The following NAV2 variants were observed in gnomAD, a reference collection of about 807,000 sequenced individuals.
NAV2 encodes helicase, APC down-regulated 1.
In NAV2, 54 loss-of-function variants were observed where a neutral mutation model predicts 223.2. That is an observed-to-expected ratio of 0.24 (90% CI 0.19 to 0.30). NAV2 has a LOEUF of 0.30. Among genes scored for constraint, NAV2 ranks in the 10% least tolerant of loss-of-function variants. The probability of loss-of-function intolerance (pLI) is 1.00; values close to 1 mark genes in which losing one functional copy is unlikely to be tolerated. For synonymous variants in NAV2, 1,279 were observed against 1,239.3 expected, an observed-to-expected ratio of 1.03 and a Z score of -0.67; for missense variants, 2,806 against 3,147.5, an observed-to-expected ratio of 0.89 and a Z score of 2.60.
chr11:19,385,277 G>T (rs375521310), intron 1 of NAV2, among the ~76,000 whole-genome samples: 6 of 137,230 alleles, frequency 4.4e-5, no homozygotes, highest in East Asian at 2.1e-4. Flanking sequence ...TGTTCAAAAT[G>T]ATTTGATGTG....
chr11:19,472,929 GT>G (rs2042007187), intron 1 of NAV2, among the ~76,000 whole-genome samples: 1 of 152,200 alleles, frequency 6.6e-6, no homozygotes, highest in African/African-American at 2.4e-5. Context: ...GGTCTGCCAG[GT>G]CTGGGTGAAG....
At chr11:19,426,471 T>A (rs573768343) in intron 1 of NAV2, among the ~76,000 whole-genome samples, 13 of 152,280 alleles carry the variant, frequency 8.5e-5, no homozygotes, top group African/African-American at 2.9e-4. Context: ...AATATTCGCC[T>A]TTTTGCTCTA....
At chr11:20,043,813 A>T (rs79357836) in intron 12 of NAV2, 168 bp from the exon 13 acceptor site, 4 of 588,728 alleles carry the variant, frequency 6.8e-6, no homozygotes, top group Non-Finnish European at 8.8e-6. Context: ...AAAAAAAAAA[A>T]ATCAGTCTTT....
intron 1 of NAV2, among the ~76,000 whole-genome samples, chr11:19,756,452 T>A (rs573457436): frequency 6.6e-6 from 1 of 152,126 alleles, no homozygotes; most frequent in African/African-American, 2.4e-5. Context: ...ACCAAGAAAT[T>A]TGGACTGCGC....
intron 8 of NAV2, 51 bp from the exon 9 acceptor site, chr11:19,946,350 A>G: frequency 6.6e-7 from 1 of 1,515,084 alleles, no homozygotes; most frequent in Non-Finnish European, 9.0e-7. Context: ...GCCCTTATGA[A>G]GCTCATGGTT....
At chr11:19,992,786 G>A (rs1346688156) in intron 11 of NAV2, among the ~76,000 whole-genome samples, 1 of 151,856 alleles carries the variant, frequency 6.6e-6, no homozygotes, top group Non-Finnish European at 1.5e-5. Flanking sequence ...TAGAGACAGG[G>A]TTTTGCCATG....
chr11:20,046,596 T>TCACACA (rs61668060), intron 14 of NAV2, among the ~76,000 whole-genome samples: 7,090 of 145,794 alleles, frequency 0.049, 363 homozygotes, highest in African/African-American at 0.13. Context: ...CCCCTCCCCA[T>TCACACA]CACACACACA....
At chr11:19,617,683 AGG>A (rs2046840869) in intron 1 of NAV2, among the ~76,000 whole-genome samples, 1 of 152,196 alleles carries the variant, frequency 6.6e-6, no homozygotes, top group Non-Finnish European at 1.5e-5. Context: ...GGCCTCCCTG[AGG>A]AGACAGTTTT....
intron 1 of NAV2, among the ~76,000 whole-genome samples, chr11:19,749,631 C>G (rs1348804847): frequency 1.3e-5 from 2 of 152,114 alleles, no homozygotes; most frequent in African/African-American, 4.8e-5. Flanking sequence ...AATTCGGTTA[C>G]GTTACCTACT....
At chr11:19,596,911 T>C (rs1276730782) in intron 1 of NAV2, among the ~76,000 whole-genome samples, 3 of 152,232 alleles carry the variant, frequency 2.0e-5, no homozygotes, top group African/African-American at 7.2e-5. Flanking sequence ...ATCCCCACTC[T>C]GCAGATGCAG....
intron 1 of NAV2, among the ~76,000 whole-genome samples, chr11:19,800,520 A>G (rs2058186240): frequency 6.6e-6 from 1 of 152,214 alleles, no homozygotes; most frequent in Non-Finnish European, 1.5e-5. Context: ...TGCTCAAAAA[A>G]ATCCCTCTCT....
rs894219705 is a variant in NAV2 at position 19,864,876 on chromosome 11, G to A, written c.439-4049G>A. Among the ~76,000 whole-genome samples, 27 of 152,008 alleles carry A rather than the reference G, an allele frequency of 1.8e-4. 1 individual carries two copies. Among genetic ancestry groups the A allele is most frequent in the African/African-American group, 6.3e-4 (26 of 41,352 alleles). On this transcript the variant is annotated intron_variant, in intron 3 of 37. Transcript: ENST00000349880. The stretch of plus-strand genomic sequence containing the variant: ...CTTCACTCAACACCTCTCTGCTCCC[G>A]GAGTCTCCAAGCCACGTGGTAGTCC...
At chr11:19,394,323 C>T (rs1214837745) in intron 1 of NAV2, among the ~76,000 whole-genome samples, 1 of 152,130 alleles carries the variant, frequency 6.6e-6, no homozygotes, top group East Asian at 1.9e-4. Context: ...GGAAAAAATG[C>T]TTTGATTTAA....
chr11:19,695,797 A>G (rs1039251169), intron 1 of NAV2, among the ~76,000 whole-genome samples: 10 of 151,792 alleles, frequency 6.6e-5, no homozygotes, highest in Admixed American at 2.6e-4. Context: ...CCAGCTCCTC[A>G]GGAGGCTGAG....
chr11:19,556,701 C>T (rs547762016), intron 1 of NAV2, among the ~76,000 whole-genome samples: 83 of 152,188 alleles, frequency 5.5e-4, no homozygotes, highest in Non-Finnish European at 1.0e-3. Flanking sequence ...AATTACTATA[C>T]CTATAAGGTA....
intron 1 of NAV2, among the ~76,000 whole-genome samples, chr11:19,371,162 T>C (rs1024923469): frequency 2.0e-5 from 3 of 152,250 alleles, no homozygotes; most frequent in African/African-American, 7.2e-5. Context: ...ATTTACTCTG[T>C]GCCAGACCCC....
At chr11:19,591,076 G>A (rs1393451128) in intron 1 of NAV2, 1 of 152,184 alleles carries the variant, frequency 6.6e-6, no homozygotes, top group Non-Finnish European at 1.5e-5. Flanking sequence ...TTTGGCTAAT[G>A]AGCAAAAATG....
chr11:19,898,800 A>G (rs531900215), intron 6 of NAV2, among the ~76,000 whole-genome samples: 1 of 152,220 alleles, frequency 6.6e-6, no homozygotes, highest in Non-Finnish European at 1.5e-5. Flanking sequence ...CTTTCTCTAC[A>G]TACTTGATAG....
intron 3 of NAV2, among the ~76,000 whole-genome samples, chr11:19,857,891 C>T (rs984362156): frequency 1.3e-5 from 2 of 152,202 alleles, no homozygotes; most frequent in Middle Eastern, 3.2e-3. Context: ...CAGTTTCACT[C>T]TGTCGCCCAG....
Sources: gnomAD v4.1 joint callset for allele counts (sites outside exome capture counted in the v4.1 genomes callset) on GRCh38, gnomAD v4.1.1 for gene constraint, MANE v1.5 for transcripts, NCBI Gene and HGNC (gene_info 2026-07-23, HGNC 2026-07-21) for gene names.